Variants in SUMF1 observed in about 807,000 individuals in gnomAD.
SUMF1 encodes the protein sulfatase modifying factor 1.
SUMF1 carries 48 observed loss-of-function variants against 47.6 expected under a neutral mutation model. The observed-to-expected ratio is 1.01, with a 90% CI of 0.80 to 1.28. The LOEUF is 1.28. Ranked by LOEUF, SUMF1 falls within the 50% of genes most tolerant of loss-of-function variation. The pLI, the probability that SUMF1 is intolerant of heterozygous loss-of-function variation, is 0.00. For synonymous variants in SUMF1, 230 were observed against 192.1 expected, an observed-to-expected ratio of 1.20 and a Z score of -1.63; for missense variants, 571 against 485.4, an observed-to-expected ratio of 1.18 and a Z score of -1.66.
chr3:4,426,703 G>A (rs1022317233), intron 3 of SUMF1, among the ~76,000 whole-genome samples: 2 of 152,156 alleles, frequency 1.3e-5, no homozygotes, highest in Admixed American at 6.5e-5. Flanking sequence ...CAGCATGAGT[G>A]GACTGGCATC....
At chr3:4,356,011 G>C (rs568917067) in intron 8 of SUMF1, among the ~76,000 whole-genome samples, 6 of 152,268 alleles carry the variant, frequency 3.9e-5, no homozygotes, top group Non-Finnish European at 8.8e-5. Flanking sequence ...CCTGAATATT[G>C]TCTGTAATGA....
intron 8 of SUMF1, among the ~76,000 whole-genome samples, chr3:4,264,269 T>C (rs1697144156): frequency 6.6e-6 from 1 of 152,168 alleles, no homozygotes; most frequent in Middle Eastern, 3.2e-3. Context: ...CAGTTAGATA[T>C]AGCCGTGCAC....
intron 8 of SUMF1, among the ~76,000 whole-genome samples, chr3:4,159,475 T>G (rs1438382119): frequency 2.7e-5 from 4 of 146,832 alleles, no homozygotes; most frequent in Non-Finnish European, 4.4e-5. Context: ...TTTAAACCTT[T>G]TGTTTTTTCT....
intron 8 of SUMF1, among the ~76,000 whole-genome samples, chr3:4,175,076 G>A (rs1206080130): frequency 1.3e-5 from 2 of 152,196 alleles, no homozygotes; most frequent in Non-Finnish European, 2.9e-5. Flanking sequence ...AAGGCCTACT[G>A]CCTCTAGACT....
intron 8 of SUMF1, among the ~76,000 whole-genome samples, chr3:4,188,465 A>G (rs976186954): frequency 6.6e-6 from 1 of 151,992 alleles, no homozygotes; most frequent in African/African-American, 2.4e-5. Context: ...GCCCTAACTT[A>G]CCCCAATCCA....
In SUMF1 at chr3:4,249,794, T is replaced by G. The variant is rs557434464; in HGVS notation, c.1014+126536A>C. On this transcript the variant is annotated intron_variant and NMD_transcript_variant, in intron 8 of 12. Transcript: ENST00000448413. Reference sequence around the variant, plus strand: ...AACAAAGGCTGAAAGCTAGGCCTCTTGTACCAGTTACCTAAGTTGTGAATG... The same window carrying G: ...AACAAAGGCTGAAAGCTAGGCCTCTGGTACCAGTTACCTAAGTTGTGAATG... 4.6e-5 allele frequency among the ~76,000 whole-genome samples: 7 copies of G among 152,342 alleles called. No individual in the cohort carries two copies. In the South Asian group the frequency reaches 1.5e-3, roughly 32 times the overall value.
chr3:4,108,853 A>T (rs1693221156), intron 8 of SUMF1, among the ~76,000 whole-genome samples: 1 of 152,102 alleles, frequency 6.6e-6, no homozygotes, highest in African/African-American at 2.4e-5. Context: ...AATACAGCAC[A>T]CTGATGGGTC....
chr3:4,043,888 G>A (rs73806838), intron 9 of SUMF1, among the ~76,000 whole-genome samples: 15,177 of 151,882 alleles, frequency 0.1, 866 homozygotes, highest in Middle Eastern at 0.16. Flanking sequence ...TTTTGCCCTC[G>A]AGGTTATACC....
intron 8 of SUMF1, among the ~76,000 whole-genome samples, chr3:4,119,048 C>T (rs1693481534): frequency 6.6e-6 from 1 of 151,966 alleles, no homozygotes; most frequent in Non-Finnish European, 1.5e-5. Context: ...TACCTATTTT[C>T]CTCCACTCCC....
intron 8 of SUMF1, among the ~76,000 whole-genome samples, chr3:4,149,860 G>C (rs750796341): frequency 9.9e-5 from 15 of 152,018 alleles, no homozygotes; most frequent in Non-Finnish European, 1.9e-4. Flanking sequence ...TGTTTCAGTT[G>C]ATGCCATGTC....
intron 7 of SUMF1, among the ~76,000 whole-genome samples, chr3:4,403,031 G>A (rs560777684): frequency 1.3e-5 from 2 of 152,318 alleles, no homozygotes; most frequent in Admixed American, 6.5e-5. Flanking sequence ...CGTGCCTGTA[G>A]TACCAGTAGG....
intron 8 of SUMF1, among the ~76,000 whole-genome samples, chr3:4,287,092 T>C (rs1009720560): frequency 3.3e-5 from 5 of 152,214 alleles, no homozygotes; most frequent in African/African-American, 9.6e-5. Context: ...CATGACATCA[T>C]GTTTCTCACA....
intron 8 of SUMF1, among the ~76,000 whole-genome samples, chr3:4,132,818 C>T (rs1329675394): frequency 3.9e-5 from 6 of 152,094 alleles, no homozygotes; most frequent in African/African-American, 7.2e-5. Context: ...TACTCCACAA[C>T]GGAGGTAAGG....
intron 8 of SUMF1, among the ~76,000 whole-genome samples, chr3:4,222,732 G>A (rs1468036222): frequency 6.6e-6 from 1 of 152,108 alleles, no homozygotes; most frequent in Admixed American, 6.6e-5. Context: ...GGAACAGAAG[G>A]AAAGGGTTCA....
At chr3:4,148,944 C>T (rs921423833) in intron 8 of SUMF1, among the ~76,000 whole-genome samples, 1 of 152,118 alleles carries the variant, frequency 6.6e-6, no homozygotes, top group Non-Finnish European at 1.5e-5. Flanking sequence ...GAGAAAAAAA[C>T]TTAACAATTT....
intron 8 of SUMF1, among the ~76,000 whole-genome samples, chr3:4,087,618 G>T (rs948186189): frequency 1.3e-5 from 2 of 151,978 alleles, no homozygotes; most frequent in African/African-American, 4.8e-5. Flanking sequence ...TTTAATGTCT[G>T]GCTTCATAGA....
At chr3:4,237,403 CTTAT>C (rs1232059085) in intron 8 of SUMF1, among the ~76,000 whole-genome samples, 2 of 151,970 alleles carry the variant, frequency 1.3e-5, no homozygotes, top group Admixed American at 6.6e-5. Context: ...TTTTCTTATG[CTTAT>C]TTGTCACTTG....
At chr3:4,345,066 A>G (rs1699347914) in intron 8 of SUMF1, among the ~76,000 whole-genome samples, 1 of 152,184 alleles carries the variant, frequency 6.6e-6, no homozygotes, top group Non-Finnish European at 1.5e-5. Flanking sequence ...TGATTGGAGT[A>G]CCAGAAGGAG....
At chr3:4,104,029 A>G (rs1182240524) in intron 8 of SUMF1, among the ~76,000 whole-genome samples, 1 of 152,162 alleles carries the variant, frequency 6.6e-6, no homozygotes, top group Admixed American at 6.5e-5. Context: ...AAGATGAGAG[A>G]CCATGCTGGA....
Sources: allele counts gnomAD v4.1 joint callset (sites outside exome capture counted in the v4.1 genomes callset), GRCh38; gene constraint gnomAD v4.1.1; transcripts MANE v1.5; gene names NCBI Gene and HGNC (gene_info 2026-07-23, HGNC 2026-07-21).